The following FHIP2A variants were observed in gnomAD, a reference collection of about 807,000 sequenced individuals.
FHIP2A encodes the protein FHF complex subunit HOOK interacting protein 2A.
A neutral mutation model predicts 93.5 loss-of-function variants in FHIP2A; 46 were observed. That is an observed-to-expected ratio of 0.49 (90% CI 0.39 to 0.63). FHIP2A has a LOEUF of 0.63. FHIP2A is among the 20% of genes least tolerant of loss of function. The pLI is 0.00. For synonymous variants in FHIP2A, 332 were observed against 326.5 expected (o/e 1.02, Z -0.18); for missense variants, 769 against 909.7 (o/e 0.85, Z 1.99).
chr10:114,855,089 A>G (rs2083758850), intron 13 of FHIP2A, 108 bp from the exon 14 acceptor site: 1 of 1,163,530 alleles, frequency 8.6e-7, no homozygotes, highest in Admixed American at 2.3e-5. Flanking sequence ...AGCATAGCAG[A>G]CATTCTGCAT....
chr10:114,855,193 C>G lies in FHIP2A; in HGVS notation c.1804-4C>G. On this transcript the variant is annotated splice_polypyrimidine_tract_variant and splice_region_variant and intron_variant, in intron 13 of 16. Transcript: ENST00000369248. ...TAATGATTCACATGCTTTTTTCCCCCTAGTTCCGAGACTACTGTGCTATCT... is the reference window on the plus strand; with the variant it reads ...TAATGATTCACATGCTTTTTTCCCCGTAGTTCCGAGACTACTGTGCTATCT... 1 of 1,602,788 alleles carries G rather than the reference C, an allele frequency of 6.2e-7. No homozygotes were observed. Among genetic ancestry groups the G allele is most frequent in the East Asian group, 2.2e-5 (1 of 44,806 alleles).
chr10:114,876,157 G>T (rs2083888309), intron 16 of FHIP2A, among the ~76,000 whole-genome samples: 1 of 152,152 alleles, frequency 6.6e-6, no homozygotes, highest in African/African-American at 2.4e-5. Context: ...CTGGTGGCTG[G>T]TCATGCCTCC....
intron 13 of FHIP2A, among the ~76,000 whole-genome samples, chr10:114,851,012 C>G (rs2083732241): frequency 2.6e-5 from 4 of 152,132 alleles, no homozygotes; most frequent in Non-Finnish European, 5.9e-5. Flanking sequence ...CTCCTGGGTT[C>G]AAGCAATCCT....
chr10:114,846,129 G>C (rs1423634416), intron 9 of FHIP2A, 40 bp downstream of exon 9: 5 of 1,612,506 alleles, frequency 3.1e-6, no homozygotes, highest in South Asian at 1.1e-5. Flanking sequence ...CCGCATCACT[G>C]TGTCATGTTA....
chr10:114,828,633 T>A (rs894146404), intron 1 of FHIP2A, among the ~76,000 whole-genome samples: 1 of 152,230 alleles, frequency 6.6e-6, no homozygotes, highest in African/African-American at 2.4e-5. Context: ...AACTTTTTTT[T>A]ATCTAAACAT....
At chr10:114,857,457 A>G (rs913178070) in intron 14 of FHIP2A, among the ~76,000 whole-genome samples, 1 of 151,652 alleles carries the variant, frequency 6.6e-6, no homozygotes. Context: ...TCACAGGTGC[A>G]CACCACCACG....
chr10:114,894,032 CT>C (rs1159106170), intron 16 of FHIP2A, among the ~76,000 whole-genome samples: 1 of 152,016 alleles, frequency 6.6e-6, no homozygotes, highest in Non-Finnish European at 1.5e-5. Flanking sequence ...CCATTTATCA[CT>C]TTTATAATGA....
chr10:114,842,161 AATATTCCTGCCTCACTCAGCCTC>A (rs2143011032), intron 5 of FHIP2A, among the ~76,000 whole-genome samples: 1 of 152,240 alleles, frequency 6.6e-6, no homozygotes, highest in East Asian at 1.9e-4. Flanking sequence ...AGGCTCAAGC[AATATTCCTGCCTCACTCAGCCTC>A]CCAAGGCCTA....
intron 12 of FHIP2A, among the ~76,000 whole-genome samples, chr10:114,848,334 G>T (rs998134608): frequency 4.6e-5 from 7 of 151,676 alleles, no homozygotes; most frequent in African/African-American, 1.7e-4. Flanking sequence ...ATCTGAAGAG[G>T]AAAAAAATGT....
At chr10:114,861,147 G>C in intron 15 of FHIP2A, 84 bp from the exon 16 acceptor site, 1 of 1,546,124 alleles carries the variant, frequency 6.5e-7, no homozygotes, top group Non-Finnish European at 8.7e-7. Flanking sequence ...TAAATAGTAG[G>C]GAAGGAAGAT....
intron 16 of FHIP2A, among the ~76,000 whole-genome samples, chr10:114,887,798 AG>A (rs1428131637): frequency 6.6e-5 from 10 of 152,254 alleles, no homozygotes; most frequent in Non-Finnish European, 1.5e-4. Flanking sequence ...CCTGCCTTCA[AG>A]GAGCTGAAAT....
intron 1 of FHIP2A, among the ~76,000 whole-genome samples, chr10:114,829,727 G>A (rs1420896485): frequency 6.6e-6 from 1 of 152,190 alleles, no homozygotes; most frequent in Non-Finnish European, 1.5e-5. Context: ...AGATGGAGTT[G>A]CTGTGGTTCA....
chr10:114,897,177 T>G (rs2084005232), intron 16 of FHIP2A, among the ~76,000 whole-genome samples: 1 of 152,232 alleles, frequency 6.6e-6, no homozygotes, highest in South Asian at 2.1e-4. Context: ...CTTTTACCTT[T>G]CTCAGCATTC....
rs1373296146 is a variant in FHIP2A, at chr10:114,863,579, G to A, written c.*2039G>A. 1.6e-6 allele frequency: 2 copies of A among 1,248,474 alleles called. No individual in the cohort carries two copies. Among genetic ancestry groups the A allele is most frequent in the African/African-American group, 3.2e-5 (2 of 63,132 alleles). The allele number at this position is 1,248,474 out of a possible 1,614,324, so 77.3% of individuals were successfully genotyped here. On this transcript the variant is annotated 3_prime_UTR_variant, in exon 17 of 17. Coordinates refer to ENST00000369248, the MANE Select transcript of FHIP2A (RefSeq NM_020940.4). ...TTGTAATGACTTTAATTTGTAATCA[G>A]CTAAGGCTTAAGATTTCATTTGTTT...
At chr10:114,828,636 C>A (rs1320678408) in intron 1 of FHIP2A, among the ~76,000 whole-genome samples, 6 of 152,068 alleles carry the variant, frequency 3.9e-5, no homozygotes, top group Non-Finnish European at 7.4e-5. Context: ...TTTTTTTTAT[C>A]TAAACATTTT....
chr10:114,891,718 G>A (rs1192959368), intron 16 of FHIP2A, among the ~76,000 whole-genome samples: 1 of 151,852 alleles, frequency 6.6e-6, no homozygotes, highest in African/African-American at 2.4e-5. Context: ...CCGGGTTCAA[G>A]CGATTCTCCT....
intron 16 of FHIP2A, among the ~76,000 whole-genome samples, chr10:114,898,727 C>A (rs2084012726): frequency 6.6e-6 from 1 of 152,106 alleles, no homozygotes; most frequent in African/African-American, 2.4e-5. Flanking sequence ...TGCAGCCTGA[C>A]TGATACAAAA....
downstream of FHIP2A, among the ~76,000 whole-genome samples, chr10:114,868,722 G>C (rs1056988346): frequency 6.6e-6 from 1 of 152,138 alleles, no homozygotes; most frequent in East Asian, 1.9e-4. Flanking sequence ...TAAGGGGAAA[G>C]GGAAGATATC....
intron 13 of FHIP2A, 38 bp from the exon 14 acceptor site, chr10:114,855,159 T>C (rs768242400): frequency 4.4e-6 from 7 of 1,578,568 alleles, no homozygotes. Flanking sequence ...TTAATTTGTT[T>C]TTGTTCTTTA....
Sources: allele counts gnomAD v4.1 joint callset (sites outside exome capture counted in the v4.1 genomes callset), GRCh38; gene constraint gnomAD v4.1.1; transcripts MANE v1.5; gene names NCBI Gene and HGNC (gene_info 2026-07-23, HGNC 2026-07-21).